FUNDC1: variants seen among roughly 807,000 people sequenced by gnomAD.
FUNDC1 encodes the protein FUN14 domain containing 1, also known as FUN14 domain-containing protein 1.
In FUNDC1, 10 loss-of-function variants were observed where a neutral mutation model predicts 14.5. The ratio of observed to expected loss-of-function variants is 0.69; its 90% CI spans 0.43 to 1.17. The LOEUF (loss-of-function observed/expected upper bound fraction) is 1.17. Ranked by LOEUF, FUNDC1 falls within the 50% of genes most tolerant of loss-of-function variation. The pLI is 0.00. For missense variants in FUNDC1, 115 were observed against 113.8 expected (o/e 1.01, Z -0.05); for synonymous variants, 33 against 39.7 (o/e 0.83, Z 0.64).
Position 44,524,069 on chromosome X carries a change from T to A in FUNDC1, c.*129A>T, listed in dbSNP as rs2038891814. The A allele has an allele frequency of 2.1e-6, 1 of 482,178 alleles. No homozygotes were observed. The highest frequency in any genetic ancestry group is 3.5e-5 in the Admixed American group (1 of 28,329). 39.7% of individuals were successfully genotyped at this position (482,178 alleles called of 1,213,427 possible). ...AGATGGCAAAATGCTAAGTTGTGAA[T>A]TGAGTATTGTCCAGCTAGTTGTTTC... On this transcript the variant is annotated 3_prime_UTR_variant, in exon 5 of 5. Transcript: ENST00000378045.
chrX:44,525,632 G>C (rs2038897575), intron 4 of FUNDC1, among the ~76,000 whole-genome samples: 1 of 109,245 alleles, frequency 9.2e-6, no homozygotes, highest in African/African-American at 3.3e-5. Context: ...AGGCAGGCAG[G>C]CTGCTTGAGC....
chrX:44,542,365 G>A, intron 1 of FUNDC1: 1 of 377,523 alleles, frequency 2.6e-6, no homozygotes, highest in Non-Finnish European at 4.6e-6. Flanking sequence ...AACTCAGAAT[G>A]ACACAGTAGT....
intron 3 of FUNDC1, among the ~76,000 whole-genome samples, chrX:44,530,406 G>A (rs1233583085): frequency 9.0e-6 from 1 of 110,944 alleles, no homozygotes; most frequent in African/African-American, 3.3e-5. Context: ...AGGAGTTCAA[G>A]ACCAGCCTGG....
Position 44,541,948 on chromosome X carries a change from C to A in FUNDC1, c.182G>T (p.Gly61Val), listed in dbSNP as rs768977047. 1.9e-5 allele frequency: 23 copies of A among 1,200,248 alleles called. No homozygotes were observed. Among genetic ancestry groups the A allele is most frequent in the Non-Finnish European group, 2.6e-5 (23 of 891,415 alleles). ...ATQIVMGGVT[G>V]WCAGFLFQKV... Reference sequence around the variant, plus strand: ...ATGAAAAAGACGTTGTTCTCACCAGCCAGTAACGCCACCCATTACAATCTG... The same window carrying A: ...ATGAAAAAGACGTTGTTCTCACCAGACAGTAACGCCACCCATTACAATCTG... Residue 61 changes from glycine (G) to valine (V), a missense_variant, in exon 2 of 5, where the codon GGC becomes GTC. Gly to Val is a moderately radical substitution (Grantham distance 109). Coordinates refer to ENST00000378045, the MANE Select transcript of FUNDC1 (RefSeq NM_173794.4).
At chrX:44,536,028 G>A (rs55784890) in intron 3 of FUNDC1, among the ~76,000 whole-genome samples, 9,961 of 103,332 alleles carry the variant, frequency 0.096, 492 homozygotes, top group East Asian at 0.2. Flanking sequence ...AATCCCGGCC[G>A]CCCGTGGTGG....
chrX:44,527,155 C>G, intron 4 of FUNDC1, 82 bp downstream of exon 4: 1 of 713,113 alleles, frequency 1.4e-6, no homozygotes. Flanking sequence ...TAATCCCCCC[C>G]GGTCACATTT....
chrX:44,535,379 A>G (rs1042182560), intron 3 of FUNDC1, among the ~76,000 whole-genome samples: 1 of 109,660 alleles, frequency 9.1e-6, no homozygotes, highest in African/African-American at 3.3e-5. Flanking sequence ...CTAAAGAAAT[A>G]ATACTGGGCC....
intron 3 of FUNDC1, among the ~76,000 whole-genome samples, chrX:44,538,095 T>C (rs5905824): frequency 0.45 from 49,803 of 110,789 alleles, 10,538 homozygotes; most frequent in African/African-American, 0.84. Context: ...AATTCTCCTG[T>C]CTCAGCCTCC....
At chrX:44,537,743 T>C (rs1451528825) in intron 3 of FUNDC1, among the ~76,000 whole-genome samples, 3 of 111,991 alleles carry the variant, frequency 2.7e-5, no homozygotes, top group Non-Finnish European at 5.6e-5. Flanking sequence ...TCTCTGTATC[T>C]TTAAAAGTGC....
intron 3 of FUNDC1, 39 bp from the exon 4 acceptor site, chrX:44,527,404 A>C: frequency 9.6e-7 from 1 of 1,046,115 alleles, no homozygotes; most frequent in Non-Finnish European, 1.3e-6. Flanking sequence ...TACTATACCA[A>C]CTAGGTTGCT....
chrX:44,538,053 C>T (rs2038955359), intron 3 of FUNDC1, among the ~76,000 whole-genome samples: 1 of 112,575 alleles, frequency 8.9e-6, no homozygotes, highest in African/African-American at 3.2e-5. Flanking sequence ...ACGATCTCGG[C>T]TCACTGCAAC....
chrX:44,524,251 T>C lies in FUNDC1; in HGVS notation c.415A>G (p.Ile139Val). ...EEATEFIKQN[I>V]VISSGFVGGF... Reference sequence around the variant, plus strand: ...CCCACAAATCCACTGGATATCACAATGTTCTGCTTGATAAATTCTGTTGCC... The same window carrying C: ...CCCACAAATCCACTGGATATCACAACGTTCTGCTTGATAAATTCTGTTGCC... Residue 139 changes from isoleucine to valine, a missense_variant, in exon 5 of 5, where the codon ATT becomes GTT. By Grantham distance (29) the Ile-to-Val change is conservative. Transcript: ENST00000378045. The C allele has an allele frequency of 8.3e-7, 1 of 1,204,339 alleles. No individual in the cohort carries two copies. Among genetic ancestry groups the C allele is most frequent in the Non-Finnish European group, 1.1e-6 (1 of 889,191 alleles).
At chrX:44,533,707 A>T (rs1360751403) in intron 3 of FUNDC1, among the ~76,000 whole-genome samples, 3 of 109,477 alleles carry the variant, frequency 2.7e-5, no homozygotes, top group African/African-American at 1.0e-4. Flanking sequence ...AAAAATTTTT[A>T]AAAAAGATAC....
intron 3 of FUNDC1, among the ~76,000 whole-genome samples, chrX:44,529,283 C>T (rs1312647825): frequency 1.8e-5 from 2 of 111,834 alleles, no homozygotes; most frequent in Admixed American, 1.9e-4. Flanking sequence ...AATATTTTTA[C>T]ATAGCCATTT....
intron 3 of FUNDC1, among the ~76,000 whole-genome samples, chrX:44,530,864 G>A (rs1203749011): frequency 1.8e-5 from 2 of 110,148 alleles, no homozygotes; most frequent in Admixed American, 9.8e-5. Flanking sequence ...GGAGGCGGAG[G>A]CTGCAGTGAG....
At chrX:44,540,796 A>C (rs1165559852) in intron 2 of FUNDC1, among the ~76,000 whole-genome samples, 1 of 112,369 alleles carries the variant, frequency 8.9e-6, no homozygotes, top group African/African-American at 3.2e-5. Flanking sequence ...TTATTTAAGC[A>C]GAGCCATACC....
At chrX:44,539,914 G>A (rs960983387) in intron 2 of FUNDC1, among the ~76,000 whole-genome samples, 6 of 110,736 alleles carry the variant, frequency 5.4e-5, no homozygotes, top group African/African-American at 1.3e-4. Context: ...TGATCCACCC[G>A]CCTCGGCCTC....
At chrX:44,526,952 G>C (rs1032456669) in intron 4 of FUNDC1, among the ~76,000 whole-genome samples, 1 of 109,461 alleles carries the variant, frequency 9.1e-6, no homozygotes, top group African/African-American at 3.3e-5. Flanking sequence ...CATTTATAAA[G>C]GCAGAGGAAA....
intron 3 of FUNDC1, 40 bp from the exon 4 acceptor site, chrX:44,527,405 C>T: frequency 1.9e-6 from 2 of 1,049,246 alleles, no homozygotes; most frequent in Non-Finnish European, 2.6e-6. Flanking sequence ...ACTATACCAA[C>T]TAGGTTGCTG....
Sources: allele counts gnomAD v4.1 joint callset (sites outside exome capture counted in the v4.1 genomes callset), GRCh38; gene constraint gnomAD v4.1.1; transcripts MANE v1.5; gene names NCBI Gene and HGNC (gene_info 2026-07-23, HGNC 2026-07-21).